PAFAH1B1: variants seen among roughly 807,000 people sequenced by gnomAD.
The protein encoded by PAFAH1B1 is platelet-activating factor acetylhydrolase IB subunit beta.
A neutral mutation model predicts 57.5 loss-of-function variants in PAFAH1B1; 2 were observed. That is an observed-to-expected ratio of 0.03 (90% confidence interval 0.01 to 0.11). PAFAH1B1 has a LOEUF of 0.11. PAFAH1B1 is among the 10% of genes least tolerant of loss of function. The pLI is 1.00. For missense variants in PAFAH1B1, 257 were observed against 512.0 expected (o/e 0.50, Z 4.81); for synonymous variants, 152 against 169.6 (o/e 0.90, Z 0.81).
chr17:2,678,544 C>A (rs1271688415), intron 9 of PAFAH1B1, among the ~76,000 whole-genome samples: 2 of 151,600 alleles, frequency 1.3e-5, no homozygotes, highest in African/African-American at 4.9e-5. Context: ...CCATCCTGGG[C>A]AGTGAAGTAA....
chr17:2,609,834 A>G (rs1054170624), intron 1 of PAFAH1B1, among the ~76,000 whole-genome samples: 4 of 150,268 alleles, frequency 2.7e-5, no homozygotes, highest in Non-Finnish European at 5.9e-5. Context: ...TTTAATATAT[A>G]TATATTTTAA....
intron 1 of PAFAH1B1, among the ~76,000 whole-genome samples, chr17:2,616,439 C>G (rs2068341552): frequency 6.6e-6 from 1 of 152,088 alleles, no homozygotes; most frequent in South Asian, 2.1e-4. Flanking sequence ...GGCTGACAGG[C>G]CGGGGACCTG....
chr17:2,610,864 C>T (rs555888496), intron 1 of PAFAH1B1, among the ~76,000 whole-genome samples: 3 of 152,294 alleles, frequency 2.0e-5, no homozygotes, highest in African/African-American at 7.2e-5. Context: ...TCACATGAGT[C>T]AGTCTGAAAG....
intron 1 of PAFAH1B1, among the ~76,000 whole-genome samples, chr17:2,611,500 A>G (rs1235321145): frequency 1.3e-5 from 2 of 151,930 alleles, no homozygotes; most frequent in African/African-American, 4.8e-5. Context: ...AAAGAAAGAA[A>G]TACAGAAAAG....
chr17:2,653,350 C>T (rs1026640899), intron 2 of PAFAH1B1, among the ~76,000 whole-genome samples: 9 of 151,886 alleles, frequency 5.9e-5, no homozygotes, highest in African/African-American at 2.2e-4. Context: ...AGCACACCAA[C>T]ATGGCACATG....
chr17:2,664,490 C>T (rs2069068911), intron 2 of PAFAH1B1, among the ~76,000 whole-genome samples: 1 of 151,252 alleles, frequency 6.6e-6, no homozygotes, highest in African/African-American at 2.4e-5. Context: ...ACTGCAATCT[C>T]CGCCTCCCGG....
intron 1 of PAFAH1B1, 33 bp downstream of exon 1, chr17:2,594,039 G>C: frequency 5.0e-6 from 2 of 398,270 alleles, no homozygotes; most frequent in Admixed American, 8.8e-5. Flanking sequence ...CCTCCCCTCT[G>C]TCTCCTCCAC....
At chr17:2,650,744 T>C (rs1286891936) in intron 2 of PAFAH1B1, among the ~76,000 whole-genome samples, 1 of 152,170 alleles carries the variant, frequency 6.6e-6, no homozygotes, top group Non-Finnish European at 1.5e-5. Context: ...TTAAAATTAT[T>C]GTGAGTTCTA....
chr17:2,647,257 G>C (rs1289521645), intron 2 of PAFAH1B1, among the ~76,000 whole-genome samples: 1 of 152,156 alleles, frequency 6.6e-6, no homozygotes, highest in East Asian at 1.9e-4. Flanking sequence ...CGGTGAGGGA[G>C]GTGCGAGCTG....
rs368477215 is a variant in PAFAH1B1, at chr17:2,651,193, CCTT to C, written c.32+12877_32+12879del. Reference sequence around the variant, plus strand: ...CCCTTTCCTTATTGATCTGAAAACACCTTCTTATAAAACCTTGCATTGGTTTTT... The same window carrying C: ...CCCTTTCCTTATTGATCTGAAAACACCTTATAAAACCTTGCATTGGTTTTT... On this transcript the variant is annotated intron_variant, in intron 2 of 10. Coordinates refer to ENST00000397195, the MANE Select transcript of PAFAH1B1 (RefSeq NM_000430.4). Among the ~76,000 whole-genome samples, 500 of 152,176 alleles carry C rather than the reference CCTT, an allele frequency of 3.3e-3. 2 individuals are homozygous for C. The highest frequency in any genetic ancestry group is 9.9e-3 in the African/African-American group (412 of 41,540).
At chr17:2,624,091 G>A (rs776744378) in intron 1 of PAFAH1B1, among the ~76,000 whole-genome samples, 10 of 152,156 alleles carry the variant, frequency 6.6e-5, no homozygotes, top group Non-Finnish European at 1.3e-4. Context: ...GCAAAATGCT[G>A]CCAGTCTCTT....
At chr17:2,600,459 A>T (rs1282052105) in intron 1 of PAFAH1B1, among the ~76,000 whole-genome samples, 3 of 150,040 alleles carry the variant, frequency 2.0e-5, no homozygotes, top group Non-Finnish European at 4.4e-5. Context: ...AATCCCAGCT[A>T]CTTGGGAGGC....
rs2069273146 is a variant in PAFAH1B1, at chr17:2,676,663, G to A, written c.1002+57G>A. ...CATCTTCACTGTTTATACCTTTTTG[G>A]ATTAATGCTTTATGATATCTTAAAT... is the stretch of plus-strand genomic sequence containing the variant. On this transcript the variant is annotated intron_variant, in intron 9 of 10. Transcript: ENST00000397195. The A allele has an allele frequency of 4.1e-6, 4 of 973,594 alleles. No homozygotes were observed. In the Admixed American group the frequency reaches 6.8e-5, roughly 16 times the overall value. The allele number at this position is 973,594 out of a possible 1,614,324, so 60.3% of individuals were successfully genotyped here.
At chr17:2,598,995 T>C (rs2068112289) in intron 1 of PAFAH1B1, among the ~76,000 whole-genome samples, 1 of 152,188 alleles carries the variant, frequency 6.6e-6, no homozygotes, top group African/African-American at 2.4e-5. Context: ...TAAGCACTTA[T>C]TATTTTATTT....
intron 10 of PAFAH1B1, chr17:2,681,241 AAAG>A (rs1306071859): frequency 1.3e-5 from 2 of 153,064 alleles, no homozygotes; most frequent in Non-Finnish European, 2.9e-5. Flanking sequence ...GCCTTTGAAA[AAAG>A]AAGAAAAAGG....
intron 5 of PAFAH1B1, among the ~76,000 whole-genome samples, chr17:2,669,166 T>C (rs761326424): frequency 1.3e-5 from 2 of 152,194 alleles, no homozygotes; most frequent in Non-Finnish European, 2.9e-5. Context: ...TCCCCATTAC[T>C]GTCTGACCTA....
Position 2,673,920 on chromosome 17 carries a change from C to T in PAFAH1B1, c.672-140C>T, listed in dbSNP as rs2069222859. 1.2e-5 allele frequency: 8 copies of T among 656,790 alleles called. No homozygotes were observed. In the East Asian group the frequency reaches 1.7e-4, roughly 14 times the overall value. The allele number at this position is 656,790 out of a possible 1,614,324, so 40.7% of individuals were successfully genotyped here. On this transcript the variant is annotated intron_variant, in intron 7 of 10. Transcript: ENST00000397195. ...GCTTATTGTTCCTACTTTAATTAAC[C>T]AGGATTGTACATTTATTCTGTCGAC...
chr17:2,593,859 C>T lies in PAFAH1B1; in HGVS notation c.-338C>T, dbSNP rs1326829282. The T allele has an allele frequency of 2.4e-5, 7 of 294,736 alleles. No individual in the cohort carries two copies. The highest frequency in any genetic ancestry group is 1.6e-4 in the African/African-American group (7 of 44,152). 18.3% of individuals were successfully genotyped at this position (294,736 alleles called of 1,614,324 possible). A position where few individuals can be genotyped will look rare whatever the true frequency, so the allele number is the denominator to read the frequency against. ...AGCCCGCCCGCTCCCCTCCCCTCCC[C>T]CTCCCCGGGCCCGGGCCCAGCGCGC... On this transcript the variant is annotated 5_prime_UTR_variant, in exon 1 of 11. Coordinates refer to ENST00000397195, the MANE Select transcript of PAFAH1B1 (RefSeq NM_000430.4).
In PAFAH1B1 at chr17:2,666,326, G is replaced by C. The variant is rs2301165; in HGVS notation, c.192+236G>C. Among the ~76,000 whole-genome samples, 8 of 152,266 alleles carry C rather than the reference G, an allele frequency of 5.3e-5. No homozygotes were observed. In the East Asian group the frequency reaches 1.5e-3, roughly 29 times the overall value. On this transcript the variant is annotated intron_variant, in intron 4 of 10. Coordinates refer to ENST00000397195, the MANE Select transcript of PAFAH1B1 (RefSeq NM_000430.4). The stretch of plus-strand genomic sequence containing the variant: ...TGCATAGTCCTGACTTTGAGGAATT[G>C]ATACTGAAAGAACTCATTTGTGCAC...
Sources: gnomAD v4.1 joint callset for allele counts (sites outside exome capture counted in the v4.1 genomes callset) on GRCh38, gnomAD v4.1.1 for gene constraint, MANE v1.5 for transcripts, NCBI Gene and HGNC (gene_info 2026-07-23, HGNC 2026-07-21) for gene names.